The following GRM5 variants were observed in gnomAD, a reference collection of about 807,000 sequenced individuals.
The protein encoded by GRM5 is metabotropic glutamate receptor 5.
GRM5 carries 19 observed loss-of-function variants against 83.1 expected under a neutral mutation model. The observed-to-expected ratio is 0.23, with a 90% CI of 0.16 to 0.34. The LOEUF is 0.34. GRM5 is among the 10% of genes least tolerant of loss of function. GRM5 has a pLI of 1.00. For synonymous variants in GRM5, 675 were observed against 633.6 expected (o/e 1.07, Z -0.98); for missense variants, 1,160 against 1,588.3 (o/e 0.73, Z 4.58).
At chr11:88,855,309 T>G (rs585921) in intron 2 of GRM5, among the ~76,000 whole-genome samples, 1 of 151,908 alleles carries the variant, frequency 6.6e-6, no homozygotes, top group Admixed American at 6.6e-5. Context: ...TTGGTACTTT[T>G]TACTATTCTC....
At chr11:88,694,534 C>A (rs1940856827) in intron 3 of GRM5, among the ~76,000 whole-genome samples, 1 of 144,354 alleles carries the variant, frequency 6.9e-6, no homozygotes, top group Non-Finnish European at 1.5e-5. Context: ...ATTTCCAGCT[C>A]CATCCTTCTT....
chr11:88,859,955 C>A (rs1944534078), intron 2 of GRM5, among the ~76,000 whole-genome samples: 1 of 152,116 alleles, frequency 6.6e-6, no homozygotes, highest in Admixed American at 6.6e-5. Flanking sequence ...CATAGCTTTT[C>A]TATGGACAAA....
chr11:88,730,872 G>A (rs750389050), intron 3 of GRM5, among the ~76,000 whole-genome samples: 8 of 152,110 alleles, frequency 5.3e-5, no homozygotes, highest in Non-Finnish European at 7.4e-5. Flanking sequence ...CTGTCAGGGA[G>A]TCGGGGGCTA....
At chr11:88,686,648 G>A (rs906511294) in intron 3 of GRM5, among the ~76,000 whole-genome samples, 1 of 152,114 alleles carries the variant, frequency 6.6e-6, no homozygotes, top group Non-Finnish European at 1.5e-5. Context: ...TTTGAATCAA[G>A]GGGGACCTTT....
chr11:88,640,891 T>G (rs1008981180), intron 4 of GRM5, among the ~76,000 whole-genome samples: 1 of 152,162 alleles, frequency 6.6e-6, no homozygotes, highest in African/African-American at 2.4e-5. Context: ...TTGTAATTTA[T>G]AGAGATGCCA....
At chr11:88,888,409 C>A (rs1163574001) in intron 2 of GRM5, among the ~76,000 whole-genome samples, 1 of 152,116 alleles carries the variant, frequency 6.6e-6, no homozygotes, top group Non-Finnish European at 1.5e-5. Context: ...AACACCATTC[C>A]CAGCAGGAAG....
At chr11:88,693,752 A>AACTT (rs1485569052) in intron 3 of GRM5, among the ~76,000 whole-genome samples, 1 of 152,208 alleles carries the variant, frequency 6.6e-6, no homozygotes, top group African/African-American at 2.4e-5. Flanking sequence ...ACTCTTCTGA[A>AACTT]ACTTACAAAA....
chr11:88,646,014 T>C (rs1939434690), intron 4 of GRM5, among the ~76,000 whole-genome samples: 1 of 152,098 alleles, frequency 6.6e-6, no homozygotes, highest in South Asian at 2.1e-4. Context: ...GAAGTTATAA[T>C]GAAGTTAATT....
At chr11:88,645,517 T>C (rs577114995) in intron 4 of GRM5, among the ~76,000 whole-genome samples, 1 of 152,150 alleles carries the variant, frequency 6.6e-6, no homozygotes, top group Non-Finnish European at 1.5e-5. Flanking sequence ...GTTTAAGAAA[T>C]AGGAGATGAG....
intron 3 of GRM5, among the ~76,000 whole-genome samples, chr11:88,792,940 G>T (rs2135476819): frequency 1.3e-5 from 2 of 152,158 alleles, no homozygotes; most frequent in Middle Eastern, 6.8e-3. Context: ...ATCTATTTTT[G>T]ATACTATTTA....
At chr11:88,981,689 G>T (rs1939529171) in intron 2 of GRM5, among the ~76,000 whole-genome samples, 1 of 152,148 alleles carries the variant, frequency 6.6e-6, no homozygotes, top group African/African-American at 2.4e-5. Flanking sequence ...ATACCTAATT[G>T]ATGTTTAAGT....
At chr11:88,696,616 C>T (rs948814019) in intron 3 of GRM5, among the ~76,000 whole-genome samples, 42 of 152,156 alleles carry the variant, frequency 2.8e-4, no homozygotes, top group African/African-American at 8.9e-4. Context: ...ACCTGGATTC[C>T]GACATTTGAT....
intron 3 of GRM5, among the ~76,000 whole-genome samples, chr11:88,803,666 G>A (rs888145553): frequency 2.6e-4 from 40 of 152,204 alleles, no homozygotes; most frequent in Admixed American, 1.9e-3. Context: ...AATGGCAACA[G>A]AAGCCAAAAT....
intron 2 of GRM5, among the ~76,000 whole-genome samples, chr11:89,045,494 T>C (rs1397382702): frequency 6.6e-6 from 1 of 152,166 alleles, no homozygotes; most frequent in East Asian, 1.9e-4. Flanking sequence ...CCTAAGATGA[T>C]CTTGGAAATT....
chr11:88,758,997 GA>G (rs749901963), intron 3 of GRM5, among the ~76,000 whole-genome samples: 5 of 152,086 alleles, frequency 3.3e-5, no homozygotes, highest in Non-Finnish European at 7.4e-5. Context: ...CTTCATACAT[GA>G]AGGAGAAATA....
chr11:88,800,927 G>T (rs1414878256), intron 3 of GRM5, among the ~76,000 whole-genome samples: 2 of 152,102 alleles, frequency 1.3e-5, no homozygotes. Context: ...CTTTTAAACA[G>T]GGTCTAGCTT....
Position 89,047,621 on chromosome 11 carries a change from T to G in GRM5, c.252A>C (p.Thr84=). 3 of 1,613,856 alleles carry G rather than the reference T, an allele frequency of 1.9e-6. No homozygotes were observed. Among genetic ancestry groups the G allele is most frequent in the Non-Finnish European group, 2.5e-6 (3 of 1,179,952 alleles). The change falls in exon 2 of 10, where the codon ACA becomes ACC. Residue 84 remains threonine (T), a synonymous_variant. Coordinates refer to ENST00000305447, the MANE Select transcript of GRM5 (RefSeq NM_001143831.3). This position sits in a 1 kb window ranked among gnomAD's most constrained non-coding sequence, Gnocchi z 5.1. ...AGCCCAGTGTGATGTTGGGCAAGAG[T>G]GTGGGGTCTGAATTGATCCTTTCCA... ...HTLERINSDP[T]LLPNITLGCE...
chr11:88,995,642 G>A lies in GRM5; in HGVS notation c.661+51570C>T, dbSNP rs558429145. ...TGTTGTAGAATATATTCTTGGGCAA[G>A]GACAATTAAAGATTCTCTGGACTTG... On this transcript the variant is annotated intron_variant, in intron 2 of 9. Coordinates refer to ENST00000305447, the MANE Select transcript of GRM5 (RefSeq NM_001143831.3). 1.1e-4 allele frequency among the ~76,000 whole-genome samples: 16 copies of A among 151,664 alleles called. 1 individual carries two copies. In the South Asian group the frequency reaches 3.1e-3, roughly 30 times the overall value.
intron 4 of GRM5, among the ~76,000 whole-genome samples, chr11:88,632,443 A>G (rs1939001660): frequency 6.6e-6 from 1 of 151,806 alleles, no homozygotes; most frequent in South Asian, 2.1e-4. Flanking sequence ...TATGTTACCC[A>G]GGTTGATCTC....
Sources: gnomAD v4.1 joint callset for allele counts (sites outside exome capture counted in the v4.1 genomes callset) on GRCh38, gnomAD v4.1.1 for gene constraint, Gnocchi (gnomAD v3.1) non-coding constraint, MANE v1.5 for transcripts, NCBI Gene and HGNC (gene_info 2026-07-23, HGNC 2026-07-21) for gene names.